The following TBC1D19 variants were observed in gnomAD, a reference collection of about 807,000 sequenced individuals.
TBC1D19 encodes the protein TBC1 domain family, member 19.
A neutral mutation model predicts 89.0 loss-of-function variants in TBC1D19; 60 were observed. That is an observed-to-expected ratio of 0.67 (90% CI 0.55 to 0.84). The LOEUF is 0.84. Among genes scored for constraint, TBC1D19 ranks in the 40% least tolerant of loss-of-function variants. The pLI is 0.00. For synonymous variants in TBC1D19, 189 were observed against 199.7 expected (o/e 0.95, Z 0.45); for missense variants, 500 against 610.8 (o/e 0.82, Z 1.91).
intron 11 of TBC1D19, among the ~76,000 whole-genome samples, chr4:26,681,891 A>T (rs1478049643): frequency 6.6e-6 from 1 of 152,218 alleles, no homozygotes; most frequent in Non-Finnish European, 1.5e-5. Context: ...ACAAACGCCC[A>T]ACTATGATTA....
chr4:26,584,070 G>T (rs1739252059), upstream of TBC1D19: 1 of 933,686 alleles, frequency 1.1e-6, no homozygotes. Context: ...GGTAACGCCC[G>T]CTGGAGGAGT....
At chr4:26,686,482 A>G (rs1179848093) in intron 12 of TBC1D19, among the ~76,000 whole-genome samples, 3 of 152,068 alleles carry the variant, frequency 2.0e-5, no homozygotes, top group African/African-American at 7.2e-5. Context: ...ATTTACTATA[A>G]TCTGATAATT....
intron 11 of TBC1D19, among the ~76,000 whole-genome samples, chr4:26,682,231 G>C (rs1242144450): frequency 1.3e-5 from 2 of 152,138 alleles, no homozygotes; most frequent in Non-Finnish European, 2.9e-5. Flanking sequence ...ATTCTAGCCA[G>C]AGAGATAGAT....
chr4:26,791,454 G>T, the TBC1D19 span, among the ~76,000 whole-genome samples: 1 of 152,088 alleles, frequency 6.6e-6, no homozygotes, highest in Non-Finnish European at 1.5e-5. Context: ...AAAGGGTTCC[G>T]AGCAGAGGCA....
chr4:26,736,019 C>T (rs1405979972), intron 16 of TBC1D19, among the ~76,000 whole-genome samples: 7 of 143,750 alleles, frequency 4.9e-5, no homozygotes, highest in African/African-American at 1.8e-4. Context: ...CTAGAAATAC[C>T]ATTTGACCCA....
chr4:26,848,303 C>T, the TBC1D19 span, among the ~76,000 whole-genome samples: 2 of 152,190 alleles, frequency 1.3e-5, no homozygotes, highest in Non-Finnish European at 2.9e-5. Context: ...CTAAGCCATA[C>T]AACTGGCTCT....
intron 1 of TBC1D19, among the ~76,000 whole-genome samples, chr4:26,592,502 T>A: frequency 6.6e-6 from 1 of 151,050 alleles, no homozygotes. Context: ...ATCAGGCAGG[T>A]TAAAGAAATA....
At chr4:26,611,153 A>G (rs1257702930) in intron 1 of TBC1D19, among the ~76,000 whole-genome samples, 1 of 152,086 alleles carries the variant, frequency 6.6e-6, no homozygotes, top group East Asian at 1.9e-4. Context: ...CTGGTGTGAA[A>G]TGGTATCTCA....
intron 8 of TBC1D19, among the ~76,000 whole-genome samples, chr4:26,665,680 A>G (rs1048153834): frequency 1.3e-5 from 2 of 152,118 alleles, no homozygotes; most frequent in African/African-American, 4.8e-5. Flanking sequence ...GAAGTACAGT[A>G]ACATAGAAAG....
the TBC1D19 span, among the ~76,000 whole-genome samples, chr4:26,829,015 ATCTT>A: frequency 1.3e-5 from 2 of 152,214 alleles, no homozygotes; most frequent in Non-Finnish European, 2.9e-5. Flanking sequence ...CAAACCAATT[ATCTT>A]TCTTAAGAGC....
At chr4:26,648,531 C>T (rs1471778867) in intron 7 of TBC1D19, among the ~76,000 whole-genome samples, 2 of 152,104 alleles carry the variant, frequency 1.3e-5, no homozygotes, top group Admixed American at 1.3e-4. Flanking sequence ...TGCACTGTCC[C>T]CAAGTAGAAC....
At chr4:26,825,358 A>G in the TBC1D19 span, among the ~76,000 whole-genome samples, 9 of 152,178 alleles carry the variant, frequency 5.9e-5, no homozygotes, top group Admixed American at 3.3e-4. Context: ...TGGCCTCCCA[A>G]AGTGCTGGGA....
At chr4:26,746,559 C>T (rs562018179) in intron 18 of TBC1D19, among the ~76,000 whole-genome samples, 127 of 152,126 alleles carry the variant, frequency 8.3e-4, no homozygotes, top group African/African-American at 2.9e-3. Flanking sequence ...GTTCTTCATA[C>T]AAAACATATT....
chr4:26,642,640 G>C (rs1009363017), intron 7 of TBC1D19, among the ~76,000 whole-genome samples: 16 of 152,138 alleles, frequency 1.1e-4, no homozygotes, highest in African/African-American at 3.9e-4. Context: ...CTGGCAAATT[G>C]GATAAAGAGT....
At chr4:26,706,135 G>C (rs1715724374) in intron 13 of TBC1D19, among the ~76,000 whole-genome samples, 1 of 152,134 alleles carries the variant, frequency 6.6e-6, no homozygotes, top group Admixed American at 6.6e-5. Context: ...ATGTTTAGTA[G>C]AATTAACCAG....
chr4:26,817,315 C>A, the TBC1D19 span, among the ~76,000 whole-genome samples: 2 of 152,156 alleles, frequency 1.3e-5, no homozygotes, highest in Non-Finnish European at 2.9e-5. Flanking sequence ...GCAGCAACAG[C>A]TCATACTTTT....
chr4:26,616,772 A>G (rs1030979082), intron 3 of TBC1D19, among the ~76,000 whole-genome samples: 3 of 152,222 alleles, frequency 2.0e-5, no homozygotes, highest in African/African-American at 7.2e-5. Context: ...ATGAAATTTT[A>G]AACTAGTGTA....
the TBC1D19 span, among the ~76,000 whole-genome samples, chr4:26,815,088 T>A: frequency 6.6e-6 from 1 of 151,984 alleles, no homozygotes; most frequent in Non-Finnish European, 1.5e-5. Flanking sequence ...TAATTTTTAA[T>A]AACAACTATA....
At position 26,641,374 on chromosome 4, in the gene TBC1D19, G is replaced by A. The variant is rs965700764; in HGVS notation, c.480+1187G>A. Among the ~76,000 whole-genome samples, 3 of 152,188 alleles carry A rather than the reference G, an allele frequency of 2.0e-5. No homozygotes were observed. The East Asian group carries it at 5.8e-4, about 29-fold the overall frequency. On this transcript the variant is annotated intron_variant, in intron 7 of 20. Transcript: ENST00000264866. ...GAAAACTAACAAACAGAAAGGAATA[G>A]CATCAACATCAACAAAAAGGACATC...
Sources: gnomAD v4.1 joint callset for allele counts (sites outside exome capture counted in the v4.1 genomes callset) on GRCh38, gnomAD v4.1.1 for gene constraint, MANE v1.5 for transcripts, NCBI Gene and HGNC (gene_info 2026-07-23, HGNC 2026-07-21) for gene names.